The following PTPN14 variants were observed in gnomAD, a reference collection of about 807,000 sequenced individuals.
PTPN14 encodes the protein tyrosine-protein phosphatase non-receptor type 14.
Under a neutral mutation model 126.8 loss-of-function variants are expected in PTPN14, and 53 were observed. The ratio of observed to expected loss-of-function variants is 0.42; its 90% CI spans 0.34 to 0.53. PTPN14 has a LOEUF of 0.53. Ranked by LOEUF, PTPN14 falls within the 20% of genes least tolerant of loss-of-function variation. The probability of loss-of-function intolerance (pLI) is 0.08; values close to 1 mark genes in which losing one functional copy is unlikely to be tolerated. For synonymous variants in PTPN14, 630 were observed against 599.3 expected (o/e 1.05, Z -0.75); for missense variants, 1,257 against 1,552.9 (o/e 0.81, Z 3.20).
At chr1:214,487,680 CA>C (rs1245258025) in intron 1 of PTPN14, among the ~76,000 whole-genome samples, 2 of 150,920 alleles carry the variant, frequency 1.3e-5, no homozygotes, top group Non-Finnish European at 2.9e-5. Context: ...AGCAACAGGG[CA>C]AAAAAGCTCC....
chr1:214,535,441 A>G (rs1655680115), intron 1 of PTPN14, among the ~76,000 whole-genome samples: 1 of 152,232 alleles, frequency 6.6e-6, no homozygotes, highest in African/African-American at 2.4e-5. Flanking sequence ...CAGATTATAA[A>G]GAAGGCAACT....
chr1:214,438,113 C>G (rs1161438818), intron 3 of PTPN14, among the ~76,000 whole-genome samples: 1 of 152,172 alleles, frequency 6.6e-6, no homozygotes, highest in Non-Finnish European at 1.5e-5. Context: ...AATAATCTTT[C>G]ACTGGAATCT....
intron 1 of PTPN14, among the ~76,000 whole-genome samples, chr1:214,547,440 C>A (rs1479339046): frequency 6.6e-6 from 1 of 152,238 alleles, no homozygotes; most frequent in Non-Finnish European, 1.5e-5. Context: ...TTCTAACATT[C>A]CCTTCCGCTT....
At chr1:214,497,204 T>C (rs1048621985) in intron 1 of PTPN14, among the ~76,000 whole-genome samples, 2 of 152,120 alleles carry the variant, frequency 1.3e-5, no homozygotes, top group Non-Finnish European at 2.9e-5. Flanking sequence ...CAAAAAAAGT[T>C]AGTATCAAAG....
chr1:214,535,486 G>C (rs897447761), intron 1 of PTPN14, among the ~76,000 whole-genome samples: 20 of 152,164 alleles, frequency 1.3e-4, no homozygotes, highest in African/African-American at 4.8e-4. Flanking sequence ...TTAGAAGAAA[G>C]TGTTTGCTGG....
At chr1:214,413,301 C>T (rs1659351224) in intron 4 of PTPN14, among the ~76,000 whole-genome samples, 1 of 152,236 alleles carries the variant, frequency 6.6e-6, no homozygotes, top group Non-Finnish European at 1.5e-5. Context: ...TTCTTCCCCT[C>T]CAGTCTTTAA....
At chr1:214,458,740 C>T (rs780784653) in intron 2 of PTPN14, among the ~76,000 whole-genome samples, 53 of 152,082 alleles carry the variant, frequency 3.5e-4, no homozygotes, top group Admixed American at 2.7e-3. Context: ...TTTTTTAAAC[C>T]GTGAGAATTA....
In PTPN14 at chr1:214,387,405, G is replaced by A. The variant is rs371303465; in HGVS notation, c.988-483C>T. On this transcript the variant is annotated intron_variant, in intron 11 of 18. Transcript: ENST00000366956. ...CGCATGCCTGTAGTCCGAGCTACTC[G>A]CGAGCTGAGGCAGGAGAATCACTTG... 1.1e-3 allele frequency among the ~76,000 whole-genome samples: 174 copies of A among 152,260 alleles called. 2 individuals are homozygous for A. In the South Asian group the frequency reaches 0.034, roughly 30 times the overall value.
chr1:214,384,395 T>C lies in PTPN14; in HGVS notation c.1460A>G (p.Gln487Arg). 1.2e-6 allele frequency: 2 copies of C among 1,614,176 alleles called. No homozygotes were observed. Among genetic ancestry groups the C allele is most frequent in the Non-Finnish European group, 1.7e-6 (2 of 1,180,034 alleles). ...YNQPEDLVYS[Q>R]PEMRERHPYT... ...GGGGTGCCTCTCCCGCATCTCCGGT[T>C]GGCTGTACACCAGATCCTCTGGCTG... Residue 487 changes from glutamine (Q) to arginine (R), a missense_variant, in exon 13 of 19, where the codon CAA (glutamine) becomes CGA (arginine). Gln to Arg is a conservative substitution (Grantham distance 43). Coordinates refer to ENST00000366956, the MANE Select transcript of PTPN14 (RefSeq NM_005401.5). The surrounding 1 kb of genome is among the most constrained non-coding windows in gnomAD (Gnocchi z 5.3).
At chr1:214,532,322 C>T (rs1655570550) in intron 1 of PTPN14, 1 of 520,342 alleles carries the variant, frequency 1.9e-6, no homozygotes, top group Non-Finnish European at 3.5e-6. Flanking sequence ...TCCAGATCTC[C>T]GTGTCCTGCT....
intron 14 of PTPN14, among the ~76,000 whole-genome samples, chr1:214,377,699 T>A (rs1658374562): frequency 6.6e-6 from 1 of 152,060 alleles, no homozygotes. Flanking sequence ...CTTGACCAAG[T>A]CATACAGCAT....
chr1:214,416,821 T>C (rs1468132547), intron 3 of PTPN14, among the ~76,000 whole-genome samples: 1 of 152,228 alleles, frequency 6.6e-6, no homozygotes, highest in African/African-American at 2.4e-5. Context: ...TATAAAATAT[T>C]ATAATTCTAT....
intron 13 of PTPN14, among the ~76,000 whole-genome samples, chr1:214,382,652 A>G (rs1658500721): frequency 6.6e-6 from 1 of 152,214 alleles, no homozygotes; most frequent in Non-Finnish European, 1.5e-5. Context: ...TATGAAGAAG[A>G]GCTATTCATG....
chr1:214,389,074 T>C (rs1254939710), intron 11 of PTPN14, among the ~76,000 whole-genome samples: 4 of 152,236 alleles, frequency 2.6e-5, no homozygotes, highest in African/African-American at 9.6e-5. Context: ...AATTTAAAAA[T>C]ATTTTTCCTT....
rs777017772 is a variant in PTPN14 at position 214,386,896 on chromosome 1, A to G, written c.1014T>C (p.Pro338=). 6.2e-7 allele frequency: 1 copy of G among 1,608,416 alleles called. No homozygotes were observed. The highest frequency in any genetic ancestry group is 8.5e-7 in the Non-Finnish European group (1 of 1,175,126). The change falls in exon 12 of 19, where the codon CCT becomes CCC. Residue 338 remains proline, a synonymous_variant. Coordinates refer to ENST00000366956, the MANE Select transcript of PTPN14 (RefSeq NM_005401.5). ...SLPRQQPYIL[P]PVHVQCGEHY... ...GCTCACCACACTGGACGTGAACGGG[A>G]GGCAGGATGTACGGCTGCTGCCTGG...
intron 1 of PTPN14, among the ~76,000 whole-genome samples, chr1:214,537,037 T>G (rs947155408): frequency 6.6e-5 from 10 of 152,334 alleles, no homozygotes; most frequent in African/African-American, 2.4e-4. Context: ...TACCCACGTC[T>G]CTCAGTTACA....
intron 1 of PTPN14, among the ~76,000 whole-genome samples, chr1:214,466,419 G>A (rs1660640602): frequency 6.6e-6 from 1 of 152,014 alleles, no homozygotes. Context: ...TGATGCAAAA[G>A]TCCTGTAACC....
At chr1:214,395,894 T>C (rs1039447155) in intron 8 of PTPN14, among the ~76,000 whole-genome samples, 3 of 152,064 alleles carry the variant, frequency 2.0e-5, no homozygotes, top group African/African-American at 7.2e-5. Flanking sequence ...AGTCACCTTC[T>C]CTAGGAATCC....
At chr1:214,394,837 G>C in intron 9 of PTPN14, 62 bp downstream of exon 9, 1 of 1,368,626 alleles carries the variant, frequency 7.3e-7, no homozygotes, top group Non-Finnish European at 1.0e-6. Context: ...AGGACATTAG[G>C]AGTTGAAAAG....
Sources: gnomAD v4.1 joint callset for allele counts (sites outside exome capture counted in the v4.1 genomes callset) on GRCh38, gnomAD v4.1.1 for gene constraint, Gnocchi (gnomAD v3.1) non-coding constraint, MANE v1.5 for transcripts, NCBI Gene and HGNC (gene_info 2026-07-23, HGNC 2026-07-21) for gene names.